HIPK4: variants seen among roughly 807,000 people sequenced by gnomAD.
HIPK4 encodes homeodomain-interacting protein kinase 4.
A neutral mutation model predicts 44.8 loss-of-function variants in HIPK4; 26 were observed. The observed-to-expected ratio is 0.58, with a 90% CI of 0.43 to 0.80. HIPK4 has a LOEUF of 0.80. Ranked by LOEUF, HIPK4 falls within the 30% of genes least tolerant of loss-of-function variation. The pLI is 0.00. For missense variants in HIPK4, 729 were observed against 862.6 expected (o/e 0.85, Z 1.94); for synonymous variants, 340 against 355.5 (o/e 0.96, Z 0.49).
intron 2 of HIPK4, among the ~76,000 whole-genome samples, 161 bp downstream of exon 2, chr19:40,383,622 A>G (rs1057319350): frequency 1.3e-5 from 2 of 151,128 alleles, no homozygotes; most frequent in African/African-American, 2.4e-5. Flanking sequence ...AGGTCTCACT[A>G]TGTTCCCCAG....
intron 2 of HIPK4, among the ~76,000 whole-genome samples, chr19:40,383,513 G>T (rs1363323459): frequency 6.6e-6 from 1 of 152,060 alleles, no homozygotes; most frequent in Non-Finnish European, 1.5e-5. Context: ...GACCTCCCAG[G>T]CTCAAGGAAT....
rs2079323381 is a variant in HIPK4, at chr19:40,380,034, G to A, written c.1669-265C>T. Among the ~76,000 whole-genome samples, 1 of 152,070 alleles carries A rather than the reference G, an allele frequency of 6.6e-6. No homozygotes were observed. Among genetic ancestry groups the A allele is most frequent in the Non-Finnish European group, 1.5e-5 (1 of 68,012 alleles). On this transcript the variant is annotated intron_variant, in intron 3 of 3. Coordinates refer to ENST00000291823, the MANE Select transcript of HIPK4 (RefSeq NM_144685.5). This position sits in a 1 kb window ranked among gnomAD's most constrained non-coding sequence, Gnocchi z 4.2. ...ACCAGCTAATATTTCTAATTTTTTG[G>A]TGCAGACGGGATCTCACTATGTTGC...
chr19:40,382,162 G>C (rs960037594), intron 2 of HIPK4, among the ~76,000 whole-genome samples: 1 of 151,810 alleles, frequency 6.6e-6, no homozygotes, highest in Admixed American at 6.6e-5. Flanking sequence ...GGGTGTAGTG[G>C]TGCAATCATA....
rs751404410 is a variant in HIPK4, at chr19:40,383,840, A to G, written c.765T>C (p.Pro255=). Residue 255 remains proline, a synonymous_variant, in exon 2 of 4, where the codon CCT becomes CCC. Coordinates refer to ENST00000291823, the MANE Select transcript of HIPK4 (RefSeq NM_144685.5). ...TGAGCTGCCAGGGGTTGGCAGCGTC[A>G]GGGTGGGGGTTGCGCTTGAAGAAGT... ...AHHFFKRNPH[P]DAANPWQLKS... 1 of 1,614,062 alleles carries G rather than the reference A, an allele frequency of 6.2e-7. No homozygotes were observed.
chr19:40,382,765 T>A (rs2079343165), intron 2 of HIPK4, among the ~76,000 whole-genome samples: 1 of 152,006 alleles, frequency 6.6e-6, no homozygotes, highest in Non-Finnish European at 1.5e-5. Flanking sequence ...AATATTTTTT[T>A]GGCCGAGCGC....
intron 1 of HIPK4, among the ~76,000 whole-genome samples, chr19:40,384,969 A>C (rs1226702706): frequency 6.6e-6 from 1 of 152,070 alleles, no homozygotes; most frequent in African/African-American, 2.4e-5. Context: ...GTCTGGTTCG[A>C]GTGACTGACT....
chr19:40,381,261 T>A, intron 2 of HIPK4, 93 bp from the exon 3 acceptor site: 1 of 1,031,326 alleles, frequency 9.7e-7, no homozygotes, highest in Non-Finnish European at 1.4e-6. Context: ...TAGCCCCGAC[T>A]TCCAGGTCTG....
chr19:40,379,715 C>T lies in HIPK4; in HGVS notation c.1723G>A (p.Glu575Lys), dbSNP rs2145714456. 2 of 1,610,644 alleles carry T rather than the reference C, an allele frequency of 1.2e-6. No individual in the cohort carries two copies. Among genetic ancestry groups the T allele is most frequent in the Non-Finnish European group, 1.7e-6 (2 of 1,179,082 alleles). The change falls in exon 4 of 4, where the codon GAG becomes AAG. Residue 575 changes from glutamate (E) to lysine (K), a missense_variant. Physicochemically the swap from Glu to Lys is moderately conservative, Grantham distance 56. Transcript: ENST00000291823. Reference sequence around the variant, plus strand: ...ACGCTCTCCAGGGTGCAGTCTGGCTCACTCAGCCATTCTCCAGGACAGCTG... The same window carrying T: ...ACGCTCTCCAGGGTGCAGTCTGGCTTACTCAGCCATTCTCCAGGACAGCTG... ...PSSCPGEWLS[E>K]PDCTLESVRG...
Position 40,381,086 on chromosome 19 carries a change from C to G in HIPK4, c.905G>C (p.Arg302Pro). 6.2e-7 allele frequency: 1 copy of G among 1,612,200 alleles called. No homozygotes were observed. Residue 302 changes from arginine (R) to proline (P), a missense_variant, in exon 3 of 4, where the codon CGG becomes CCG. Around this residue, in one of 2 missense-constraint regions of HIPK4, gnomAD observed 533 missense variants for 567.5 expected, o/e 0.94. Transcript: ENST00000291823. ...CGCCTCCCGGTCAGGGAAGGTTAGC[C>G]GACTGGCCACACTGCCACCATTCAC... is the stretch of plus-strand genomic sequence containing the variant. ...ETVNGGSVAS[R>P]LTFPDREALA...
intron 1 of HIPK4, among the ~76,000 whole-genome samples, chr19:40,385,236 C>T (rs967830566): frequency 1.6e-4 from 25 of 152,156 alleles, no homozygotes; most frequent in Admixed American, 9.8e-4. Flanking sequence ...ATCCTGTGGC[C>T]GCCCGGGATA....
Position 40,379,452 on chromosome 19 carries a change from G to T in HIPK4, c.*135C>A. ...GCACCGCACCGCAGACGGGGAATGA[G>T]AATTTCTGGATAACTATCTTTCTGT... On this transcript the variant is annotated 3_prime_UTR_variant, in exon 4 of 4. Transcript: ENST00000291823. 1 of 814,470 alleles carries T rather than the reference G, an allele frequency of 1.2e-6. No individual in the cohort carries two copies. The allele number at this position is 814,470 out of a possible 1,614,324, so 50.5% of individuals were successfully genotyped here.
At chr19:40,387,276 C>T (rs2079367541) in intron 1 of HIPK4, among the ~76,000 whole-genome samples, 1 of 152,092 alleles carries the variant, frequency 6.6e-6, no homozygotes, top group Admixed American at 6.6e-5. Flanking sequence ...AAGACACCTC[C>T]CTGAAGTCCC....
rs766856671 is a variant in HIPK4, at chr19:40,380,380, G to A, written c.1611C>T (p.Ala537=). ...EHLGASAEPL[A]ILQRDEDGPN... ...GCCCATCCTCATCTCGCTGCAGGAT[G>A]GCCAGTGGCTCAGCAGAGGCCCCGA... The change falls in exon 3 of 4, where the codon GCC becomes GCT. Residue 537 remains alanine (A), a synonymous_variant. Coordinates refer to ENST00000291823, the MANE Select transcript of HIPK4 (RefSeq NM_144685.5). This position sits in a 1 kb window ranked among gnomAD's most constrained non-coding sequence, Gnocchi z 4.2. 1 of 1,614,200 alleles carries A rather than the reference G, an allele frequency of 6.2e-7. No individual in the cohort carries two copies. The highest frequency in any genetic ancestry group is 1.1e-5 in the South Asian group (1 of 91,084).
intron 2 of HIPK4, among the ~76,000 whole-genome samples, chr19:40,383,204 C>T (rs140878536): frequency 1.0e-4 from 15 of 148,188 alleles, no homozygotes; most frequent in African/African-American, 2.5e-4. Flanking sequence ...TGCCTCAGCC[C>T]GCCGAGTAGC....
chr19:40,380,783 C>T lies in HIPK4; in HGVS notation c.1208G>A (p.Gly403Asp). ...GCTGCTGCCGGCCACACTGCCCATA[C>T]CCGCAGCCTCCTTCTCCTCAGCCAG... ...YCLAEEKEAA[G>D]MGSVAGSSPF... The change falls in exon 3 of 4, where the codon GGT (glycine) becomes GAT (aspartate). Residue 403 changes from glycine (G) to aspartate (D), a missense_variant. By Grantham distance (94) the Gly-to-Asp change is moderately conservative (BLOSUM62 -1). Transcript: ENST00000291823. The surrounding 1 kb of genome is among the most constrained non-coding windows in gnomAD (Gnocchi z 4.2). The T allele has an allele frequency of 1.2e-6, 2 of 1,614,008 alleles. No homozygotes were observed. Among genetic ancestry groups the T allele is most frequent in the South Asian group, 1.1e-5 (1 of 91,084 alleles).
chr19:40,381,302 C>CT lies in HIPK4; in HGVS notation c.823-135dup. 5 of 717,812 alleles carry CT rather than the reference C, an allele frequency of 7.0e-6. No homozygotes were observed. In the Admixed American group the frequency reaches 8.6e-5, roughly 12 times the overall value. 44.5% of individuals were successfully genotyped at this position (717,812 alleles called of 1,614,324 possible). ...GATCTGCCTTGGAGCTCTCTGGCTG[C>CT]TAGGAGGGCCACCCTGGATCCGTCA... On this transcript the variant is annotated intron_variant, in intron 2 of 3. Coordinates refer to ENST00000291823, the MANE Select transcript of HIPK4 (RefSeq NM_144685.5).
Position 40,389,522 on chromosome 19 carries a change from G to GAGCCGGGCCAGGGCTGTGAGC in HIPK4, c.360_380dup (p.Leu121_Leu127dup), listed in dbSNP as rs754037542. ...CAGCGTGGATGATAGCCAGCTCCTT[G>GAGCCGGGCCAGGGCTGTGAGC]AGCCGGGCCAGGGCTGTGAGCACCT... On this transcript the variant is annotated inframe_insertion, in exon 1 of 4. Coordinates refer to ENST00000291823, the MANE Select transcript of HIPK4 (RefSeq NM_144685.5). This position sits in a 1 kb window ranked among gnomAD's most constrained non-coding sequence, Gnocchi z 4.6. 6.2e-7 allele frequency: 1 copy of GAGCCGGGCCAGGGCTGTGAGC among 1,613,684 alleles called. No homozygotes were observed.
Position 40,383,962 on chromosome 19 carries a change from A to G in HIPK4, c.643T>C (p.Tyr215His). ...TGGTCGTACTCGTTGTTGCCGGGGT[A>G]GAGAGGCCAGCCCAGGTGCAGCTCA... The part of the protein sequence containing the change: ...MAELHLGWPL[Y>H]PGNNEYDQVR... Residue 215 changes from tyrosine to histidine, a missense_variant, in exon 2 of 4, where the codon TAC (tyrosine) becomes CAC (histidine). By Grantham distance (83) the Tyr-to-His change is moderately conservative. Around this residue, in one of 2 missense-constraint regions of HIPK4, gnomAD observed 533 missense variants for 567.5 expected, o/e 0.94. Transcript: ENST00000291823. 1 of 1,614,162 alleles carries G rather than the reference A, an allele frequency of 6.2e-7. No homozygotes were observed.
chr19:40,380,622 G>A lies in HIPK4; in HGVS notation c.1369C>T (p.Leu457Phe), dbSNP rs1488490289. 1.1e-5 allele frequency: 18 copies of A among 1,613,410 alleles called. No homozygotes were observed. The highest frequency in any genetic ancestry group is 4.0e-5 in the African/African-American group (3 of 74,930). ...TGGTGGCCAGTGATGGCTGCCTTGA[G>A]GGGGACCATCATGTCGGAGACCGCA... is the stretch of plus-strand genomic sequence containing the variant. The part of the protein sequence containing the change: ...TNAVSDMMVP[L>F]KAAITGHHVP... The change falls in exon 3 of 4, where the codon CTC (leucine) becomes TTC (phenylalanine). Residue 457 changes from leucine to phenylalanine, a missense_variant. Around this residue, in one of 2 missense-constraint regions of HIPK4, gnomAD observed 533 missense variants for 567.5 expected, o/e 0.94. Transcript: ENST00000291823. The surrounding 1 kb of genome is among the most constrained non-coding windows in gnomAD (Gnocchi z 4.2).
Sources: gnomAD v4.1 joint callset for allele counts (sites outside exome capture counted in the v4.1 genomes callset) on GRCh38, gnomAD v4.1.1 for gene constraint, gnomAD v4.1.1 regional missense constraint, Gnocchi (gnomAD v3.1) non-coding constraint, MANE v1.5 for transcripts, NCBI Gene and HGNC (gene_info 2026-07-23, HGNC 2026-07-21) for gene names.